ZNF609: variants seen among roughly 807,000 people sequenced by gnomAD.
ZNF609 encodes zinc finger protein 609.
In ZNF609, 11 loss-of-function variants were observed where a neutral mutation model predicts 109.5. That is an observed-to-expected ratio of 0.10 (90% CI 0.06 to 0.17). ZNF609 has a LOEUF of 0.17. Ranked by LOEUF, ZNF609 falls within the 10% of genes least tolerant of loss-of-function variation. The probability of loss-of-function intolerance (pLI) is 1.00; values close to 1 mark genes in which losing one functional copy is unlikely to be tolerated. For synonymous variants in ZNF609, 646 were observed against 662.0 expected (o/e 0.98, Z 0.37); for missense variants, 1,559 against 1,772.4 (o/e 0.88, Z 2.16).
At chr15:64,607,881 TCTTTCTTTTCTTTC>T (rs1393386215) in intron 2 of ZNF609, among the ~76,000 whole-genome samples, 113 of 19,918 alleles carry the variant, frequency 5.7e-3, no homozygotes, top group Admixed American at 0.013. Flanking sequence ...CTTTCTTTCT[TCTTTCTTTTCTTTC>T]TTTTTTTTTT....
intron 3 of ZNF609, among the ~76,000 whole-genome samples, chr15:64,639,077 TAGTG>T (rs1896217713): frequency 6.6e-6 from 1 of 152,046 alleles, no homozygotes; most frequent in Non-Finnish European, 1.5e-5. Flanking sequence ...CTGGGCAACA[TAGTG>T]AGACCCGTCT....
chr15:64,582,830 C>A (rs1466716444), intron 2 of ZNF609, among the ~76,000 whole-genome samples: 1 of 131,742 alleles, frequency 7.6e-6, no homozygotes, highest in South Asian at 2.5e-4. Flanking sequence ...CGGGTCACTG[C>A]AACCTCCGCC....
At chr15:64,624,572 T>G (rs1895923157) in intron 3 of ZNF609, among the ~76,000 whole-genome samples, 2 of 152,056 alleles carry the variant, frequency 1.3e-5, no homozygotes, top group East Asian at 1.9e-4. Flanking sequence ...ACAAAAACTT[T>G]GAGAGAGTGA....
intron 3 of ZNF609, chr15:64,652,768 A>G (rs1450795860): frequency 2.0e-5 from 3 of 152,252 alleles, no homozygotes; most frequent in South Asian, 2.1e-4. Flanking sequence ...CCTGGACTCA[A>G]GCAGTCCTCC....
intron 2 of ZNF609, among the ~76,000 whole-genome samples, chr15:64,550,038 C>T (rs1209514259): frequency 6.6e-6 from 1 of 152,078 alleles, no homozygotes; most frequent in Non-Finnish European, 1.5e-5. Context: ...TCACTGCAGC[C>T]TCTACTTCCC....
intron 3 of ZNF609, among the ~76,000 whole-genome samples, chr15:64,655,095 C>CAAA (rs34537642): frequency 9.5e-6 from 1 of 104,762 alleles, no homozygotes; most frequent in Non-Finnish European, 1.8e-5. Context: ...GACTCCATCT[C>CAAA]AAAAAAAAAA....
At chr15:64,545,915 G>A (rs1367914876) in intron 2 of ZNF609, among the ~76,000 whole-genome samples, 1 of 152,120 alleles carries the variant, frequency 6.6e-6, no homozygotes, top group East Asian at 1.9e-4. Flanking sequence ...CTTACCACCA[G>A]TTGGATCATT....
At chr15:64,622,133 G>T (rs1377436304) in intron 2 of ZNF609, among the ~76,000 whole-genome samples, 2 of 152,202 alleles carry the variant, frequency 1.3e-5, no homozygotes, top group East Asian at 1.9e-4. Flanking sequence ...AGATAAATTT[G>T]ATGTTAGAAT....
intron 2 of ZNF609, among the ~76,000 whole-genome samples, chr15:64,519,676 T>A (rs1893863089): frequency 6.6e-6 from 1 of 152,232 alleles, no homozygotes; most frequent in Non-Finnish European, 1.5e-5. Context: ...TGCCATATTT[T>A]CCCTGCCTGG....
chr15:64,536,111 C>T (rs1242665307), intron 2 of ZNF609, among the ~76,000 whole-genome samples: 2 of 152,096 alleles, frequency 1.3e-5, no homozygotes, highest in Non-Finnish European at 2.9e-5. Flanking sequence ...GCTTTGAACT[C>T]CTCAGCTCAA....
chr15:64,462,414 A>G (rs1181787060), intron 1 of ZNF609, among the ~76,000 whole-genome samples: 1 of 152,206 alleles, frequency 6.6e-6, no homozygotes, highest in Non-Finnish European at 1.5e-5. Flanking sequence ...TATGAATGGA[A>G]CACTCATGCA....
At chr15:64,679,597 T>G (rs1027501621) in intron 6 of ZNF609, among the ~76,000 whole-genome samples, 10 of 152,190 alleles carry the variant, frequency 6.6e-5, no homozygotes, top group African/African-American at 2.4e-4. Flanking sequence ...AATAGGAAAT[T>G]TCTTACCCTT....
chr15:64,532,795 C>T (rs908253856), intron 2 of ZNF609, among the ~76,000 whole-genome samples: 1 of 152,172 alleles, frequency 6.6e-6, no homozygotes, highest in Non-Finnish European at 1.5e-5. Context: ...CAAGCCCCTT[C>T]CAATCCTCCT....
intron 1 of ZNF609, among the ~76,000 whole-genome samples, chr15:64,467,000 A>G (rs557104915): frequency 1.6e-4 from 24 of 152,290 alleles, no homozygotes; most frequent in Middle Eastern, 6.8e-3. Flanking sequence ...AGTCAGATCT[A>G]TGAATGAGCT....
intron 1 of ZNF609, among the ~76,000 whole-genome samples, chr15:64,498,799 G>A (rs189572279): frequency 6.6e-6 from 1 of 152,102 alleles, no homozygotes; most frequent in Non-Finnish European, 1.5e-5. Flanking sequence ...AATAGTAGGA[G>A]GAATCTATAC....
At chr15:64,665,234 G>C (rs1441469401) in intron 3 of ZNF609, among the ~76,000 whole-genome samples, 1 of 152,254 alleles carries the variant, frequency 6.6e-6, no homozygotes, top group Admixed American at 6.5e-5. Flanking sequence ...TTTTATCTAA[G>C]GTGAAGGTAA....
intron 2 of ZNF609, among the ~76,000 whole-genome samples, chr15:64,536,733 C>T (rs549907139): frequency 2.7e-4 from 39 of 146,766 alleles, no homozygotes; most frequent in Non-Finnish European, 5.3e-4. Flanking sequence ...ACCCCCCCCC[C>T]CAAAAAAAAA....
chr15:64,602,019 T>C (rs1322933326), intron 2 of ZNF609, among the ~76,000 whole-genome samples: 1 of 152,166 alleles, frequency 6.6e-6, no homozygotes, highest in Non-Finnish European at 1.5e-5. Flanking sequence ...AAAGCTATCA[T>C]TTACTTCAAA....
chr15:64,509,552 A>T (rs546539117), intron 2 of ZNF609, among the ~76,000 whole-genome samples: 1 of 152,342 alleles, frequency 6.6e-6, no homozygotes, highest in Admixed American at 6.5e-5. Flanking sequence ...ATGATAGCTA[A>T]TATTCCAGCT....
Sources: allele counts gnomAD v4.1 joint callset (sites outside exome capture counted in the v4.1 genomes callset), GRCh38; gene constraint gnomAD v4.1.1; transcripts MANE v1.5; gene names NCBI Gene and HGNC (gene_info 2026-07-23, HGNC 2026-07-21).